ADAMTSL1: variants seen among roughly 807,000 people sequenced by gnomAD.
ADAMTSL1 encodes the protein ADAMTS-like protein 1.
ADAMTSL1 carries 126 observed loss-of-function variants against 201.8 expected under a neutral mutation model. The observed-to-expected ratio is 0.62, with a 90% CI of 0.54 to 0.72. ADAMTSL1 has a LOEUF of 0.72. Among genes scored for constraint, ADAMTSL1 ranks in the 30% least tolerant of loss-of-function variants. ADAMTSL1 has a pLI of 0.00. For missense variants in ADAMTSL1, 2,679 were observed against 2,277.8 expected (o/e 1.18, Z -3.59); for synonymous variants, 1,121 against 903.4 (o/e 1.24, Z -4.32).
At chr9:18,286,915 A>G (rs556961161) in intron 2 of ADAMTSL1, among the ~76,000 whole-genome samples, 1 of 152,332 alleles carries the variant, frequency 6.6e-6, no homozygotes, top group South Asian at 2.1e-4. Context: ...TGCAATGTAT[A>G]TAAAATAGCA....
At chr9:17,969,205 AG>A (rs1818105591) in intron 1 of ADAMTSL1, among the ~76,000 whole-genome samples, 1 of 96,004 alleles carries the variant, frequency 1.0e-5, no homozygotes, top group Admixed American at 1.2e-4. Context: ...CTAGATTGCC[AG>A]TTAAAAATCT....
intron 1 of ADAMTSL1, among the ~76,000 whole-genome samples, chr9:17,987,211 G>C (rs922781150): frequency 6.6e-6 from 1 of 152,010 alleles, no homozygotes; most frequent in Admixed American, 6.6e-5. Context: ...ATGCATCAGG[G>C]CAGTGAACAC....
chr9:18,804,929 G>A (rs998412095), intron 20 of ADAMTSL1, among the ~76,000 whole-genome samples: 1 of 152,190 alleles, frequency 6.6e-6, no homozygotes, highest in Admixed American at 6.5e-5. Context: ...TGTTAAAAAT[G>A]TGTTAAATTT....
intron 1 of ADAMTSL1, among the ~76,000 whole-genome samples, chr9:18,051,663 A>T (rs549502312): frequency 3.8e-4 from 58 of 152,034 alleles, no homozygotes; most frequent in African/African-American, 1.3e-3. Context: ...TCCAGTTATT[A>T]TCAGTCTTAC....
intron 13 of ADAMTSL1, among the ~76,000 whole-genome samples, chr9:18,705,400 A>T (rs1280129453): frequency 2.0e-5 from 3 of 152,114 alleles, no homozygotes; most frequent in Non-Finnish European, 2.9e-5. Flanking sequence ...TTTTTTTCCT[A>T]GGCCCCTCTC....
chr9:18,390,690 C>G (rs1177481302), intron 2 of ADAMTSL1, among the ~76,000 whole-genome samples: 1 of 152,158 alleles, frequency 6.6e-6, no homozygotes, highest in African/African-American at 2.4e-5. Flanking sequence ...ATCTTCCCCA[C>G]CTCCCAGTGG....
intron 1 of ADAMTSL1, among the ~76,000 whole-genome samples, chr9:18,497,959 T>C (rs1822616053): frequency 6.6e-6 from 1 of 152,264 alleles, no homozygotes; most frequent in African/African-American, 2.4e-5. Context: ...TAAAAAGTGA[T>C]GAAGCTGTTT....
chr9:18,209,279 T>A (rs551352832), intron 2 of ADAMTSL1, among the ~76,000 whole-genome samples: 10 of 152,312 alleles, frequency 6.6e-5, no homozygotes, highest in South Asian at 4.1e-4. Context: ...AAGAACCCAT[T>A]TGGGTTTATT....
At chr9:18,546,419 T>A (rs1050207302) in intron 3 of ADAMTSL1, among the ~76,000 whole-genome samples, 1 of 152,010 alleles carries the variant, frequency 6.6e-6, no homozygotes, top group Non-Finnish European at 1.5e-5. Context: ...TCAAGTGATC[T>A]TCTCATTAAA....
At chr9:18,107,575 T>C (rs1242515624) in intron 1 of ADAMTSL1, among the ~76,000 whole-genome samples, 10 of 152,174 alleles carry the variant, frequency 6.6e-5, no homozygotes, top group African/African-American at 2.4e-4. Context: ...AGCCATGCTC[T>C]GGGACTTGAA....
chr9:18,652,383 AG>A (rs1828347316), intron 7 of ADAMTSL1, among the ~76,000 whole-genome samples: 9 of 130,450 alleles, frequency 6.9e-5, no homozygotes, highest in African/African-American at 8.4e-5. Context: ...AAAAAAAAAA[AG>A]GAAAAAAAAA....
intron 22 of ADAMTSL1, among the ~76,000 whole-genome samples, chr9:18,827,590 A>C (rs1054739017): frequency 6.6e-6 from 1 of 152,176 alleles, no homozygotes; most frequent in Non-Finnish European, 1.5e-5. Flanking sequence ...GAGCCCAGAG[A>C]CCAGGGAATA....
chr9:18,588,888 T>A (rs866396742), intron 4 of ADAMTSL1, among the ~76,000 whole-genome samples: 23 of 115,110 alleles, frequency 2.0e-4, no homozygotes. Flanking sequence ...CATATACATA[T>A]ATATATATAT....
intron 4 of ADAMTSL1, among the ~76,000 whole-genome samples, chr9:18,601,460 C>A (rs916082454): frequency 1.1e-4 from 16 of 152,120 alleles, no homozygotes; most frequent in Non-Finnish European, 2.1e-4. Context: ...TTTCTGTCTC[C>A]AGCCAATTTT....
intron 15 of ADAMTSL1, among the ~76,000 whole-genome samples, chr9:18,734,037 C>G (rs554857240): frequency 4.1e-4 from 63 of 152,200 alleles, no homozygotes; most frequent in African/African-American, 1.5e-3. Flanking sequence ...TTATAAGTCC[C>G]GTAAATCAGG....
At chr9:18,290,786 T>TG (rs1563862881) in intron 2 of ADAMTSL1, among the ~76,000 whole-genome samples, 19 of 107,554 alleles carry the variant, frequency 1.8e-4, no homozygotes, top group African/African-American at 5.2e-4. Context: ...TGTGTGTTTT[T>TG]TTTTTTTTTT....
intron 2 of ADAMTSL1, among the ~76,000 whole-genome samples, chr9:18,428,434 C>CAAAAA (rs368935296): frequency 2.5e-5 from 3 of 119,512 alleles, no homozygotes; most frequent in Non-Finnish European, 5.1e-5. Context: ...CCTATGTCTA[C>CAAAAA]AAAAAAAAAA....
chr9:18,042,657 G>T (rs781702719), intron 1 of ADAMTSL1, among the ~76,000 whole-genome samples: 5 of 152,128 alleles, frequency 3.3e-5, no homozygotes, highest in Non-Finnish European at 7.4e-5. Flanking sequence ...CACTGTTACA[G>T]CCCTTATTTG....
intron 1 of ADAMTSL1, among the ~76,000 whole-genome samples, chr9:18,096,269 AT>A (rs1218921991): frequency 6.6e-6 from 1 of 152,248 alleles, no homozygotes; most frequent in East Asian, 1.9e-4. Flanking sequence ...GTGAACTATA[AT>A]GACAATGACT....
Sources: gnomAD v4.1 joint callset for allele counts (sites outside exome capture counted in the v4.1 genomes callset) on GRCh38, gnomAD v4.1.1 for gene constraint, MANE v1.5 for transcripts, NCBI Gene and HGNC (gene_info 2026-07-23, HGNC 2026-07-21) for gene names.